The following NEMP2 variants were observed in gnomAD, a reference collection of about 807,000 sequenced individuals.
NEMP2 encodes the protein nuclear envelope integral membrane protein 2.
NEMP2 carries 53 observed loss-of-function variants against 54.2 expected under a neutral mutation model. That is an observed-to-expected ratio of 0.98 (90% CI 0.78 to 1.23). The LOEUF (loss-of-function observed/expected upper bound fraction) is 1.23, where lower values mean the gene tolerates loss of function less well. NEMP2 is among the 50% of genes most tolerant of loss of function. The pLI, the probability that NEMP2 is intolerant of heterozygous loss-of-function variation, is 0.00. For synonymous variants in NEMP2, 197 were observed against 190.3 expected (o/e 1.04, Z -0.29); for missense variants, 455 against 511.3 (o/e 0.89, Z 1.06).
chr2:190,557,476 G>T, the NEMP2 span, among the ~76,000 whole-genome samples: 3 of 152,086 alleles, frequency 2.0e-5, no homozygotes, highest in African/African-American at 7.2e-5. Context: ...TTGAAAGTGG[G>T]ATTAATTAAA....
chr2:190,518,853 C>A (rs1438274184), intron 3 of NEMP2, 45 bp from the exon 4 acceptor site: 2 of 1,519,314 alleles, frequency 1.3e-6, no homozygotes, highest in African/African-American at 1.4e-5. Context: ...GATTTTTTAT[C>A]AATGTAATGT....
At chr2:190,500,296 A>T, downstream of NEMP2, 2 of 1,495,932 alleles carry the variant, frequency 1.3e-6, no homozygotes, top group Admixed American at 1.8e-5. The surrounding 1 kb of genome is among the most constrained non-coding windows in gnomAD (Gnocchi z 5.3). Context: ...CCCAGCCAGG[A>T]TATGCCTCCC....
downstream of NEMP2, among the ~76,000 whole-genome samples, chr2:190,503,211 G>A (rs1405163565): frequency 1.3e-5 from 2 of 152,210 alleles, no homozygotes; most frequent in African/African-American, 4.8e-5. This position sits in a 1 kb window ranked among gnomAD's most constrained non-coding sequence, Gnocchi z 6.3. Flanking sequence ...GAGTTGGCTG[G>A]ACTGATAACT....
chr2:190,553,615 T>C, the NEMP2 span: 1 of 152,220 alleles, frequency 6.6e-6, no homozygotes, highest in Non-Finnish European at 1.5e-5. Flanking sequence ...GCAGAGAGCT[T>C]TGTGGAGCCT....
In NEMP2 at chr2:190,528,688, C is replaced by G. The variant is rs1337438479; in HGVS notation, c.98-3310G>C. Among the ~76,000 whole-genome samples, 1 of 152,156 alleles carries G rather than the reference C, an allele frequency of 6.6e-6. No homozygotes were observed. Among genetic ancestry groups the G allele is most frequent in the Non-Finnish European group, 1.5e-5 (1 of 68,034 alleles). ...TGCTACTTCAAGGGCTAAATCAACTCTCATAGAACAGTTCCCTTTTGTTAA... is the reference window on the plus strand; with the variant it reads ...TGCTACTTCAAGGGCTAAATCAACTGTCATAGAACAGTTCCCTTTTGTTAA... On this transcript the variant is annotated intron_variant, in intron 1 of 8. Coordinates refer to ENST00000409150, the MANE Select transcript of NEMP2 (RefSeq NM_001142645.2). This position sits in a 1 kb window ranked among gnomAD's most constrained non-coding sequence, Gnocchi z 4.3.
the NEMP2 span, among the ~76,000 whole-genome samples, chr2:190,476,052 G>C: frequency 8.6e-5 from 13 of 151,780 alleles, no homozygotes. Flanking sequence ...ACCTTATACA[G>C]AAATTAATTC....
At chr2:190,433,135 T>A in the NEMP2 span, among the ~76,000 whole-genome samples, 11 of 152,230 alleles carry the variant, frequency 7.2e-5, no homozygotes, top group Admixed American at 6.5e-4. The surrounding 1 kb of genome is among the most constrained non-coding windows in gnomAD (Gnocchi z 4.5). Flanking sequence ...TTTGGGTGTG[T>A]GTGTGTTTAT....
the NEMP2 span, among the ~76,000 whole-genome samples, chr2:190,564,380 C>T: frequency 0.017 from 2,555 of 152,268 alleles, 23 homozygotes; most frequent in Non-Finnish European, 0.027. The surrounding 1 kb of genome is among the most constrained non-coding windows in gnomAD (Gnocchi z 4.2). Context: ...GCTTCAGATC[C>T]CTGGCATTTT....
At chr2:190,484,118 G>T in the NEMP2 span, among the ~76,000 whole-genome samples, 3 of 152,138 alleles carry the variant, frequency 2.0e-5, no homozygotes, top group Non-Finnish European at 4.4e-5. Flanking sequence ...AGTTGGTATT[G>T]AATTGTCACT....
At chr2:190,488,349 G>A in the NEMP2 span, among the ~76,000 whole-genome samples, 1 of 152,190 alleles carries the variant, frequency 6.6e-6, no homozygotes, top group East Asian at 1.9e-4. This position sits in a 1 kb window ranked among gnomAD's most constrained non-coding sequence, Gnocchi z 6.4. Flanking sequence ...GAGACAGGAA[G>A]TAGAATGGTG....
the NEMP2 span, among the ~76,000 whole-genome samples, chr2:190,428,813 C>A: frequency 6.6e-6 from 1 of 152,182 alleles, no homozygotes; most frequent in Non-Finnish European, 1.5e-5. Flanking sequence ...GCTGGGATTA[C>A]AGGCATCTGC....
chr2:190,616,894 AG>A, the NEMP2 span: 1 of 152,000 alleles, frequency 6.6e-6, no homozygotes, highest in South Asian at 2.1e-4. The surrounding 1 kb of genome is among the most constrained non-coding windows in gnomAD (Gnocchi z 5.1). Context: ...GGATCACTTG[AG>A]CCCAGGAGTT....
At chr2:190,647,973 C>T in the NEMP2 span, among the ~76,000 whole-genome samples, 5 of 152,162 alleles carry the variant, frequency 3.3e-5, no homozygotes, top group Non-Finnish European at 7.3e-5. Context: ...CTCGGCCTCC[C>T]ACAGTGCTGG....
the NEMP2 span, among the ~76,000 whole-genome samples, chr2:190,604,287 G>T: frequency 6.6e-6 from 1 of 152,322 alleles, no homozygotes; most frequent in East Asian, 1.9e-4. This position sits in a 1 kb window ranked among gnomAD's most constrained non-coding sequence, Gnocchi z 4.5. Flanking sequence ...AATGGAAAAG[G>T]TGGTATGGAC....
the NEMP2 span, among the ~76,000 whole-genome samples, chr2:190,456,828 G>A: frequency 4.6e-5 from 7 of 152,110 alleles, no homozygotes; most frequent in East Asian, 7.7e-4. The surrounding 1 kb of genome is among the most constrained non-coding windows in gnomAD (Gnocchi z 5.4). Flanking sequence ...ATCTTTCAGC[G>A]CATTTCTTCT....
the NEMP2 span, among the ~76,000 whole-genome samples, chr2:190,447,983 G>C: frequency 1.3e-5 from 2 of 152,146 alleles, no homozygotes; most frequent in African/African-American, 2.4e-5. The surrounding 1 kb of genome is among the most constrained non-coding windows in gnomAD (Gnocchi z 4.5). Context: ...GTTGCAAAGT[G>C]GTATAAATGG....
chr2:190,584,895 C>G, the NEMP2 span, among the ~76,000 whole-genome samples: 1 of 62,730 alleles, frequency 1.6e-5, no homozygotes, highest in African/African-American at 6.6e-5. This position sits in a 1 kb window ranked among gnomAD's most constrained non-coding sequence, Gnocchi z 4.2. Context: ...CAAAAAACAA[C>G]AATGAAAGAA....
chr2:190,557,899 G>A, the NEMP2 span, among the ~76,000 whole-genome samples: 1 of 152,306 alleles, frequency 6.6e-6, no homozygotes, highest in East Asian at 1.9e-4. Flanking sequence ...TTCAACCATT[G>A]TGGAAGACAG....
chr2:190,635,448 A>C, the NEMP2 span, among the ~76,000 whole-genome samples: 20 of 152,088 alleles, frequency 1.3e-4, no homozygotes, highest in African/African-American at 4.8e-4. The surrounding 1 kb of genome is among the most constrained non-coding windows in gnomAD (Gnocchi z 4.1). Context: ...TCTTGGCCTC[A>C]AGAAGTCTTC....
Sources: allele counts gnomAD v4.1 joint callset (sites outside exome capture counted in the v4.1 genomes callset), GRCh38; gene constraint gnomAD v4.1.1; non-coding constraint Gnocchi (gnomAD v3.1); transcripts MANE v1.5; gene names NCBI Gene and HGNC (gene_info 2026-07-23, HGNC 2026-07-21).